FARP1: variants seen among roughly 807,000 people sequenced by gnomAD.
FARP1 encodes the protein FERM, ARH/RhoGEF and pleckstrin domain protein 1, also known as FERM, ARHGEF and pleckstrin domain-containing protein 1.
Under a neutral mutation model 128.8 loss-of-function variants are expected in FARP1, and 52 were observed. That is an observed-to-expected ratio of 0.40 (90% CI 0.32 to 0.51). FARP1 has a LOEUF of 0.51. Among genes scored for constraint, FARP1 ranks in the 20% least tolerant of loss-of-function variants. The pLI is 0.45. For missense variants in FARP1, 1,333 were observed against 1,367.9 expected (o/e 0.97, Z 0.40); for synonymous variants, 580 against 551.8 (o/e 1.05, Z -0.72).
chr13:98,335,199 T>C (rs1566891518), intron 2 of FARP1, among the ~76,000 whole-genome samples: 2 of 152,214 alleles, frequency 1.3e-5, no homozygotes, highest in East Asian at 3.9e-4. Context: ...TTTTTGTACA[T>C]CATCGACGGA....
intron 2 of FARP1, among the ~76,000 whole-genome samples, chr13:98,287,208 C>CATTTTTTTT (rs1885216774): frequency 1.3e-5 from 1 of 75,814 alleles, no homozygotes; most frequent in Non-Finnish European, 2.4e-5. Flanking sequence ...TCAGACATGT[C>CATTTTTTTT]TTTTTTTTTT....
intron 2 of FARP1, among the ~76,000 whole-genome samples, chr13:98,247,071 A>G (rs1394245286): frequency 6.6e-6 from 1 of 152,214 alleles, no homozygotes; most frequent in Non-Finnish European, 1.5e-5. Flanking sequence ...TACTAAAAAT[A>G]CAAAAGTTAA....
At chr13:98,178,521 T>C (rs957613210) in intron 1 of FARP1, among the ~76,000 whole-genome samples, 4 of 152,386 alleles carry the variant, frequency 2.6e-5, no homozygotes, top group South Asian at 2.1e-4. Flanking sequence ...CCCTTTTTTT[T>C]CTTGAGTTTA....
At chr13:98,304,539 A>G (rs1033395735) in intron 2 of FARP1, among the ~76,000 whole-genome samples, 6 of 152,138 alleles carry the variant, frequency 3.9e-5, no homozygotes, top group Non-Finnish European at 8.8e-5. Context: ...AGGGCTGCAG[A>G]GCGGTACAGG....
chr13:98,367,015 T>C (rs571983995), intron 4 of FARP1, among the ~76,000 whole-genome samples: 4 of 152,352 alleles, frequency 2.6e-5, no homozygotes, highest in African/African-American at 2.4e-5. Context: ...GATTTCATTA[T>C]AGTACCTTAT....
intron 5 of FARP1, among the ~76,000 whole-genome samples, chr13:98,377,457 T>C (rs181647391): frequency 7.8e-4 from 118 of 152,172 alleles, no homozygotes; most frequent in African/African-American, 2.6e-3. Context: ...ACTACTGTTA[T>C]TGTCTGAGCC....
intron 11 of FARP1, among the ~76,000 whole-genome samples, chr13:98,393,113 G>T (rs943515158): frequency 6.6e-6 from 1 of 152,240 alleles, no homozygotes; most frequent in Admixed American, 6.5e-5. Context: ...TGAAAGAGAC[G>T]TGTCAAGATG....
intron 2 of FARP1, among the ~76,000 whole-genome samples, chr13:98,270,562 A>G (rs7327166): frequency 0.84 from 127,769 of 152,144 alleles, 53,779 homozygotes; most frequent in East Asian, 1. Flanking sequence ...CCTAGAAATG[A>G]GGTAGCTCCT....
intron 1 of FARP1, chr13:98,177,260 G>A: frequency 2.6e-6 from 4 of 1,519,418 alleles, no homozygotes; most frequent in Non-Finnish European, 3.5e-6. Context: ...GCTCCCAACG[G>A]CCGTGGCGTG....
chr13:98,270,612 G>C (rs890775598), intron 2 of FARP1, among the ~76,000 whole-genome samples: 1 of 152,152 alleles, frequency 6.6e-6, no homozygotes, highest in Non-Finnish European at 1.5e-5. Flanking sequence ...AAACCGATGA[G>C]TTTGCAGATA....
At chr13:98,385,899 G>A in intron 8 of FARP1, 85 bp downstream of exon 8, 2 of 1,384,458 alleles carry the variant, frequency 1.4e-6, no homozygotes, top group Non-Finnish European at 2.0e-6. Context: ...TATTCAGTGG[G>A]CTAAGACCTC....
At chr13:98,273,335 T>C (rs1884473626) in intron 2 of FARP1, among the ~76,000 whole-genome samples, 2 of 152,204 alleles carry the variant, frequency 1.3e-5, no homozygotes, top group Admixed American at 6.5e-5. Flanking sequence ...TGTTTGGCCT[T>C]AGGTCCTTTG....
At chr13:98,193,514 G>A (rs1045732283) in intron 1 of FARP1, among the ~76,000 whole-genome samples, 33 of 152,182 alleles carry the variant, frequency 2.2e-4, no homozygotes, top group African/African-American at 5.8e-4. Flanking sequence ...ATTTCTTGGT[G>A]TTAGTGTTTT....
chr13:98,349,363 C>T (rs534182337), intron 3 of FARP1, among the ~76,000 whole-genome samples: 1 of 152,230 alleles, frequency 6.6e-6, no homozygotes, highest in East Asian at 1.9e-4. Flanking sequence ...GAAGCCAGCC[C>T]ACCACTGTTT....
rs868344937 is a variant in FARP1, at chr13:98,262,252, T to G, written c.171+48839T>G. 4.6e-5 allele frequency among the ~76,000 whole-genome samples: 7 copies of G among 151,270 alleles called. No homozygotes were observed. The South Asian group carries it at 1.0e-3, about 23-fold the overall frequency. ...GTAGGCTGGTCTTGAACTCTGGAGC[T>G]CAAAGAGATCCACCTGCCTTAGCCT... On this transcript the variant is annotated intron_variant, in intron 2 of 26. Transcript: ENST00000319562.
intron 1 of FARP1, among the ~76,000 whole-genome samples, chr13:98,206,178 TGTG>T (rs1880252522): frequency 5.1e-4 from 1 of 1,956 alleles, no homozygotes; most frequent in Non-Finnish European, 1.1e-3. Context: ...GACTTGAGGT[TGTG>T]TGTGTGTGTG....
At chr13:98,226,737 C>T (rs901906518) in intron 2 of FARP1, among the ~76,000 whole-genome samples, 1 of 152,044 alleles carries the variant, frequency 6.6e-6, no homozygotes, top group African/African-American at 2.4e-5. Flanking sequence ...AACTGAAGTA[C>T]GGGTGGCCAT....
At chr13:98,367,489 C>CTT (rs200185112) in intron 4 of FARP1, among the ~76,000 whole-genome samples, 1 of 144,424 alleles carries the variant, frequency 6.9e-6, no homozygotes, top group Non-Finnish European at 1.5e-5. Flanking sequence ...TGTTTTCTTT[C>CTT]TTTTTTTTTT....
At chr13:98,399,015 A>C (rs1371491143) in intron 13 of FARP1, 2 of 152,160 alleles carry the variant, frequency 1.3e-5, no homozygotes, top group Non-Finnish European at 2.9e-5. Flanking sequence ...ATGGCAGTAT[A>C]CTCAGTTGTG....
Sources: gnomAD v4.1 joint callset for allele counts (sites outside exome capture counted in the v4.1 genomes callset) on GRCh38, gnomAD v4.1.1 for gene constraint, MANE v1.5 for transcripts, NCBI Gene and HGNC (gene_info 2026-07-23, HGNC 2026-07-21) for gene names.